USP48: variants seen among roughly 807,000 people sequenced by gnomAD.
USP48 encodes the protein ubiquitin specific peptidase 48, also known as ubiquitin carboxyl-terminal hydrolase 48.
In USP48, 43 loss-of-function variants were observed where a neutral mutation model predicts 150.7. The ratio of observed to expected loss-of-function variants is 0.29; its 90% CI spans 0.22 to 0.37. The LOEUF is 0.37. Ranked by LOEUF, USP48 falls within the 10% of genes least tolerant of loss-of-function variation. USP48 has a pLI of 1.00. For synonymous variants in USP48, 396 were observed against 425.9 expected (o/e 0.93, Z 0.86); for missense variants, 813 against 1,249.6 (o/e 0.65, Z 5.27).
intron 1 of USP48, among the ~76,000 whole-genome samples, chr1:21,762,593 C>T (rs930817011): frequency 3.3e-5 from 5 of 152,040 alleles, no homozygotes; most frequent in African/African-American, 4.8e-5. Flanking sequence ...ACGGGCCGGG[C>T]GCGGTGGCTC....
At position 21,695,292 on chromosome 1, in the gene USP48, T is replaced by C. The variant is rs2097623997; in HGVS notation, c.2728-71A>G. On this transcript the variant is annotated intron_variant, in intron 22 of 26. Transcript: ENST00000308271. ...ATGTGACCCTTGCTCATGAAGTTTTTCAGGTAAACAAAAGCTGTTTCCTTA... is the reference window on the plus strand; with the variant it reads ...ATGTGACCCTTGCTCATGAAGTTTTCCAGGTAAACAAAAGCTGTTTCCTTA... 5 of 1,480,386 alleles carry C rather than the reference T, an allele frequency of 3.4e-6. No homozygotes were observed. The East Asian group carries it at 1.2e-4, about 36-fold the overall frequency. The allele number at this position is 1,480,386 out of a possible 1,614,324, so 91.7% of individuals were successfully genotyped here. A position where few individuals can be genotyped will look rare whatever the true frequency, so the allele number is the denominator to read the frequency against.
intron 26 of USP48, among the ~76,000 whole-genome samples, chr1:21,679,881 A>G (rs1210655463): frequency 1.3e-5 from 2 of 151,852 alleles, no homozygotes; most frequent in Non-Finnish European, 2.9e-5. Flanking sequence ...TTTAGTAGAG[A>G]TGGGGTTTCA....
At chr1:21,706,285 T>C (rs2097672306) in intron 17 of USP48, 98 bp from the exon 18 acceptor site, 2 of 1,514,726 alleles carry the variant, frequency 1.3e-6, no homozygotes, top group Admixed American at 2.1e-5. Flanking sequence ...TCAAGTTTTA[T>C]AAATAAAATG....
At chr1:21,747,587 T>TC (rs1167632464) in intron 7 of USP48, among the ~76,000 whole-genome samples, 5 of 151,730 alleles carry the variant, frequency 3.3e-5, no homozygotes, top group African/African-American at 4.8e-5. Flanking sequence ...TTTTTTTTTT[T>TC]CCAAGACAGA....
At chr1:21,761,981 A>T (rs1233664500) in intron 1 of USP48, among the ~76,000 whole-genome samples, 1 of 145,288 alleles carries the variant, frequency 6.9e-6, no homozygotes, top group African/African-American at 2.5e-5. Flanking sequence ...AAGAAACAAA[A>T]CTGGCCGGGT....
chr1:21,758,185 AACACACACACACACACACACACAC>A (rs149088635), intron 1 of USP48, among the ~76,000 whole-genome samples: 2 of 141,352 alleles, frequency 1.4e-5, no homozygotes, highest in African/African-American at 5.3e-5. Flanking sequence ...GCAACTGTAA[AACACACACACACACACACACACAC>A]ACACACACAC....
At position 21,736,545 on chromosome 1, in the gene USP48, C is replaced by T. The variant is rs1421107025; in HGVS notation, c.1072G>A (p.Val358Met). 6.3e-7 allele frequency: 1 copy of T among 1,597,682 alleles called. No individual in the cohort carries two copies. The highest frequency in any genetic ancestry group is 1.1e-5 in the South Asian group (1 of 87,622). The change falls in exon 9 of 27, where the codon GTG becomes ATG. Residue 358 changes from valine (V) to methionine (M), a missense_variant. Coordinates refer to ENST00000308271, the MANE Select transcript of USP48 (RefSeq NM_032236.8). ...CATTCACCAGACTGTGGATCTTTCACGTGGGCGATGTAGTGGCCAGAATAA... is the reference window on the plus strand; with the variant it reads ...CATTCACCAGACTGTGGATCTTTCATGTGGGCGATGTAGTGGCCAGAATAA... ...SAYSGHYIAH[V>M]KDPQSGEWYK...
chr1:21,704,431 G>A, intron 19 of USP48, 39 bp from the exon 20 acceptor site: 1 of 1,559,504 alleles, frequency 6.4e-7, no homozygotes. Context: ...TAAGACACAT[G>A]GAAATTAAGA....
chr1:21,703,247 C>T (rs546302985), intron 21 of USP48, among the ~76,000 whole-genome samples: 10 of 152,340 alleles, frequency 6.6e-5, no homozygotes, highest in Admixed American at 5.2e-4. Context: ...CCTTCTTTAT[C>T]ACTGTATCCC....
intron 1 of USP48, among the ~76,000 whole-genome samples, chr1:21,781,200 T>A (rs1246943791): frequency 2.1e-5 from 3 of 145,818 alleles, no homozygotes; most frequent in African/African-American, 7.6e-5. Flanking sequence ...GGTCAAATTA[T>A]CTGAGGTCAG....
intron 1 of USP48, among the ~76,000 whole-genome samples, chr1:21,759,536 G>A (rs945373418): frequency 6.6e-6 from 1 of 152,140 alleles, no homozygotes; most frequent in Non-Finnish European, 1.5e-5. Flanking sequence ...TCCAAGGCCA[G>A]GGCAGTGAAA....
In USP48 at chr1:21,704,193, C is replaced by T. The variant is rs1463497083; in HGVS notation, c.2515+69G>A. On this transcript the variant is annotated intron_variant, in intron 20 of 26. Coordinates refer to ENST00000308271, the MANE Select transcript of USP48 (RefSeq NM_032236.8). The stretch of plus-strand genomic sequence containing the variant: ...GATCTTTAACTTTAAGCAGACAACA[C>T]TGACACACCCTTTCTTCTTAAAATG... The T allele has an allele frequency of 5.8e-6, 9 of 1,553,918 alleles. No homozygotes were observed. The Admixed American group carries it at 1.4e-4, about 24-fold the overall frequency.
At chr1:21,752,801 C>T (rs2097819907) in intron 4 of USP48, 150 bp from the exon 5 acceptor site, 1 of 1,194,684 alleles carries the variant, frequency 8.4e-7, no homozygotes, top group Non-Finnish European at 1.1e-6. Flanking sequence ...TCAGTTTGTG[C>T]CCCCATATGA....
intron 14 of USP48, among the ~76,000 whole-genome samples, chr1:21,720,065 A>C (rs10799708): frequency 0.58 from 87,632 of 151,972 alleles, 25,603 homozygotes; most frequent in East Asian, 0.73. Flanking sequence ...GTTTGCTTTA[A>C]AACAACATAA....
chr1:21,688,026 C>T (rs954850288), intron 24 of USP48, among the ~76,000 whole-genome samples: 1 of 152,048 alleles, frequency 6.6e-6, no homozygotes, highest in Non-Finnish European at 1.5e-5. Flanking sequence ...AGAACGGGGG[C>T]TCCAAGGTTT....
chr1:21,723,602 A>G (rs1023826769), intron 12 of USP48, among the ~76,000 whole-genome samples: 2 of 152,000 alleles, frequency 1.3e-5, no homozygotes, highest in African/African-American at 4.8e-5. Flanking sequence ...ACAGTATTAC[A>G]CAGAGTAACA....
intron 8 of USP48, among the ~76,000 whole-genome samples, chr1:21,737,528 G>A (rs924163948): frequency 6.6e-6 from 1 of 152,098 alleles, no homozygotes; most frequent in Non-Finnish European, 1.5e-5. Flanking sequence ...ATTTCAAAGT[G>A]AACTAAAATG....
intron 22 of USP48, among the ~76,000 whole-genome samples, chr1:21,697,229 T>A (rs772050114): frequency 2.6e-5 from 4 of 151,448 alleles, no homozygotes; most frequent in Non-Finnish European, 5.9e-5. Flanking sequence ...TGCCTGAGGA[T>A]AGTTTAGCTC....
chr1:21,688,779 G>C lies in USP48; in HGVS notation c.3009+1195C>G, dbSNP rs181714570. On this transcript the variant is annotated intron_variant, in intron 24 of 26. Transcript: ENST00000308271. Reference sequence around the variant, plus strand: ...AACTGCTTGAATCTGGGAGGTGGAGGTTGCAGTGAGCCGAGATTGTGCCAC... The same window carrying C: ...AACTGCTTGAATCTGGGAGGTGGAGCTTGCAGTGAGCCGAGATTGTGCCAC... Among the ~76,000 whole-genome samples the C allele has an allele frequency of 2.4e-4, 34 of 143,938 alleles. No homozygotes were observed. The East Asian group carries it at 3.0e-3, about 13-fold the overall frequency. The allele number at this position is 143,938 out of a possible 152,430, so 94.4% of individuals were successfully genotyped here. A position where few individuals can be genotyped will look rare whatever the true frequency, so the allele number is the denominator to read the frequency against.
Sources: allele counts gnomAD v4.1 joint callset (sites outside exome capture counted in the v4.1 genomes callset), GRCh38; gene constraint gnomAD v4.1.1; transcripts MANE v1.5; gene names NCBI Gene and HGNC (gene_info 2026-07-23, HGNC 2026-07-21).